DIP2C: variants seen among roughly 807,000 people sequenced by gnomAD.
DIP2C encodes the protein DIP2 acetate--CoA ligase C (putative).
DIP2C carries 33 observed loss-of-function variants against 192.4 expected under a neutral mutation model. The observed-to-expected ratio is 0.17, with a 90% CI of 0.13 to 0.23. DIP2C has a LOEUF of 0.23. Among genes scored for constraint, DIP2C ranks in the 10% least tolerant of loss-of-function variants. The probability of loss-of-function intolerance (pLI) is 1.00; values close to 1 mark genes in which losing one functional copy is unlikely to be tolerated. For synonymous variants in DIP2C, 979 were observed against 864.1 expected (o/e 1.13, Z -2.33); for missense variants, 1,537 against 2,110.1 (o/e 0.73, Z 5.32).
chr10:611,341 AGCC>A (rs1461892316), intron 1 of DIP2C, among the ~76,000 whole-genome samples: 4 of 152,176 alleles, frequency 2.6e-5, no homozygotes, highest in Non-Finnish European at 5.9e-5. Context: ...TCAATTACCC[AGCC>A]TCAGGTAGTT....
At chr10:427,769 C>G (rs1051845981) in intron 4 of DIP2C, among the ~76,000 whole-genome samples, 2 of 152,176 alleles carry the variant, frequency 1.3e-5, no homozygotes, top group African/African-American at 4.8e-5. Flanking sequence ...CCAACTGCTT[C>G]TCATGATGTG....
At chr10:642,530 A>G (rs1855246308) in intron 1 of DIP2C, among the ~76,000 whole-genome samples, 1 of 152,224 alleles carries the variant, frequency 6.6e-6, no homozygotes, top group Non-Finnish European at 1.5e-5. Context: ...AAACAGCTTC[A>G]CCCTCCTAAC....
chr10:611,166 C>G (rs1480229367), intron 1 of DIP2C, among the ~76,000 whole-genome samples: 3 of 150,840 alleles, frequency 2.0e-5, no homozygotes, highest in Admixed American at 6.6e-5. Context: ...CTCATGAGAT[C>G]TGGTTGTTTG....
chr10:326,778 G>A (rs1957290069), intron 31 of DIP2C, among the ~76,000 whole-genome samples: 1 of 152,220 alleles, frequency 6.6e-6, no homozygotes, highest in Non-Finnish European at 1.5e-5. Flanking sequence ...AAGTTAAAAT[G>A]TTCCAGGACA....
At chr10:688,709 G>A (rs1339496756) in intron 1 of DIP2C, among the ~76,000 whole-genome samples, 1 of 152,098 alleles carries the variant, frequency 6.6e-6, no homozygotes, top group Non-Finnish European at 1.5e-5. Flanking sequence ...TATGACAGTT[G>A]AGCACATGAT....
chr10:404,724 T>G (rs1964683387), intron 9 of DIP2C, among the ~76,000 whole-genome samples: 1 of 152,236 alleles, frequency 6.6e-6, no homozygotes, highest in Non-Finnish European at 1.5e-5. Context: ...GTAGATTCTA[T>G]GAATATATGA....
intron 3 of DIP2C, among the ~76,000 whole-genome samples, chr10:457,532 C>G (rs1254567972): frequency 3.3e-5 from 5 of 152,096 alleles, no homozygotes; most frequent in African/African-American, 9.7e-5. Context: ...TTAGAAATGA[C>G]GAGGCACAGA....
intron 1 of DIP2C, among the ~76,000 whole-genome samples, chr10:586,524 C>T (rs1851039046): frequency 6.6e-6 from 1 of 152,200 alleles, no homozygotes; most frequent in African/African-American, 2.4e-5. Context: ...TCCAGGCAAA[C>T]TTTCTCGGCC....
intron 1 of DIP2C, among the ~76,000 whole-genome samples, chr10:607,093 G>A (rs1234556810): frequency 1.3e-5 from 2 of 152,208 alleles, no homozygotes; most frequent in Admixed American, 6.5e-5. Flanking sequence ...GGCCTGCACG[G>A]CACCCTGCTC....
intron 1 of DIP2C, among the ~76,000 whole-genome samples, chr10:491,313 G>A (rs2133586295): frequency 6.6e-6 from 1 of 152,340 alleles, no homozygotes; most frequent in African/African-American, 2.4e-5. Flanking sequence ...ACTATTTAAT[G>A]CTGGAATTAA....
At chr10:341,043 C>T (rs1958121064) in intron 29 of DIP2C, 156 bp downstream of exon 29, 8 of 1,063,024 alleles carry the variant, frequency 7.5e-6, no homozygotes, top group Non-Finnish European at 1.1e-5. Context: ...AGAGCCAAGT[C>T]CACCAGGAGA....
At chr10:517,186 T>A (rs1846417934) in intron 1 of DIP2C, among the ~76,000 whole-genome samples, 4 of 152,050 alleles carry the variant, frequency 2.6e-5, no homozygotes, top group Admixed American at 2.6e-4. Flanking sequence ...CCAAGCCCCT[T>A]CTCCTTTTCC....
chr10:532,646 G>A (rs973647009), intron 1 of DIP2C, among the ~76,000 whole-genome samples: 25 of 101,764 alleles, frequency 2.5e-4, no homozygotes, highest in Middle Eastern at 5.0e-3. Flanking sequence ...AGAGAGTATG[G>A]GTGTGAGAGA....
At chr10:476,339 C>T (rs778441228) in intron 2 of DIP2C, among the ~76,000 whole-genome samples, 3 of 152,182 alleles carry the variant, frequency 2.0e-5, no homozygotes, top group Non-Finnish European at 2.9e-5. Flanking sequence ...TGCCTGCGGT[C>T]GTGGCCCCAA....
chr10:537,620 T>C (rs1236404462), intron 1 of DIP2C, among the ~76,000 whole-genome samples: 1 of 149,340 alleles, frequency 6.7e-6, no homozygotes, highest in Non-Finnish European at 1.5e-5. Context: ...GTATCACCCA[T>C]GTTTCAGCCA....
intron 1 of DIP2C, among the ~76,000 whole-genome samples, chr10:591,013 C>T (rs1851369942): frequency 6.6e-6 from 1 of 152,146 alleles, no homozygotes; most frequent in Admixed American, 6.6e-5. Context: ...GACCATTTCC[C>T]TTGTCAAGAT....
chr10:602,568 C>T (rs1024426494), intron 1 of DIP2C, among the ~76,000 whole-genome samples: 1 of 152,170 alleles, frequency 6.6e-6, no homozygotes, highest in African/African-American at 2.4e-5. Context: ...TGAGATGTTG[C>T]CGTCTGTGAG....
chr10:508,904 ACT>A lies in DIP2C; in HGVS notation c.86-22376_86-22375del, dbSNP rs537104257. 6.0e-3 allele frequency among the ~76,000 whole-genome samples: 908 copies of A among 152,186 alleles called. 9 individuals carry two copies. The highest frequency in any genetic ancestry group is 0.02 in the African/African-American group (836 of 41,512). On this transcript the variant is annotated intron_variant, in intron 1 of 36. Coordinates refer to ENST00000280886, the MANE Select transcript of DIP2C (RefSeq NM_014974.3). ...CCAACAGCAGTGCTGGAAGGCGGCC[ACT>A]CTGACCCGACCGTCCACCTCCAGGG...
At chr10:505,303 A>G (rs1464075884) in intron 1 of DIP2C, among the ~76,000 whole-genome samples, 1 of 152,194 alleles carries the variant, frequency 6.6e-6, no homozygotes, top group Non-Finnish European at 1.5e-5. Context: ...CGCAGGAGCT[A>G]TCTTAGGAGG....
Sources: allele counts gnomAD v4.1 joint callset (sites outside exome capture counted in the v4.1 genomes callset), GRCh38; gene constraint gnomAD v4.1.1; transcripts MANE v1.5; gene names NCBI Gene and HGNC (gene_info 2026-07-23, HGNC 2026-07-21).